Variants in CRB1 observed in about 807,000 individuals in gnomAD.
CRB1 encodes protein crumbs homolog 1.
Under a neutral mutation model 120.0 loss-of-function variants are expected in CRB1, and 83 were observed. The ratio of observed to expected loss-of-function variants is 0.69; its 90% CI spans 0.58 to 0.83. The LOEUF (loss-of-function observed/expected upper bound fraction) is 0.83. CRB1 is among the 40% of genes least tolerant of loss of function. The pLI is 0.00. For missense variants in CRB1, 1,699 were observed against 1,687.6 expected (o/e 1.01, Z -0.12); for synonymous variants, 625 against 612.5 (o/e 1.02, Z -0.30).
chr1:197,357,067 C>T (rs759432812), intron 5 of CRB1, 54 bp downstream of exon 5: 15 of 1,561,782 alleles, frequency 9.6e-6, no homozygotes, highest in Non-Finnish European at 1.3e-5. Context: ...TATGGCAGAC[C>T]ATGGCTTTAA....
chr1:197,252,091 A>T, the CRB1 span, among the ~76,000 whole-genome samples: 1 of 151,880 alleles, frequency 6.6e-6, no homozygotes, highest in African/African-American at 2.4e-5. Context: ...CTTTTTTGGT[A>T]AAGTTCTAGG....
chr1:197,234,133 T>A, the CRB1 span, among the ~76,000 whole-genome samples: 1 of 152,168 alleles, frequency 6.6e-6, no homozygotes, highest in Non-Finnish European at 1.5e-5. Context: ...TATGAAGATA[T>A]TTTTATTACT....
intron 5 of CRB1, among the ~76,000 whole-genome samples, chr1:197,374,060 T>C (rs1661514211): frequency 1.3e-5 from 2 of 152,102 alleles, no homozygotes; most frequent in Admixed American, 6.5e-5. Context: ...ATCAGGCCAA[T>C]TTTTGGCAGG....
At chr1:197,431,808 A>G (rs1664881276) in intron 8 of CRB1, among the ~76,000 whole-genome samples, 1 of 152,212 alleles carries the variant, frequency 6.6e-6, no homozygotes, top group Non-Finnish European at 1.5e-5. Flanking sequence ...TAGAGAGAAA[A>G]CGTAAATAAA....
rs1011980348 is a variant in CRB1 at position 197,268,255 on chromosome 1, C to G, written c.-158C>G. ...CACAAACTGCATTTTGAATCTAAGT[C>G]CCTGTATTTTCTGTGAAGGAGCTGT... On this transcript the variant is annotated 5_prime_UTR_variant, in exon 1 of 12. Coordinates refer to ENST00000367400, the MANE Select transcript of CRB1 (RefSeq NM_201253.3). 2.9e-6 allele frequency: 2 copies of G among 688,268 alleles called. No homozygotes were observed. The highest frequency in any genetic ancestry group is 4.2e-5 in the Admixed American group (2 of 47,242). The allele number at this position is 688,268 out of a possible 1,614,324, so 42.6% of individuals were successfully genotyped here.
chr1:197,252,616 T>C, the CRB1 span, among the ~76,000 whole-genome samples: 1 of 83,696 alleles, frequency 1.2e-5, no homozygotes, highest in East Asian at 4.0e-4. Context: ...GTGTGTGTGA[T>C]ATATATATGT....
chr1:197,453,855 A>T (rs1413807155), intron 11 of CRB1, among the ~76,000 whole-genome samples: 2 of 140,334 alleles, frequency 1.4e-5, no homozygotes, highest in South Asian at 2.1e-4. Context: ...ATTATTATTA[A>T]TATATATTAA....
intron 11 of CRB1, 150 bp downstream of exon 11, chr1:197,442,442 GA>G (rs753013922): frequency 4.6e-5 from 71 of 1,537,348 alleles, no homozygotes; most frequent in Admixed American, 1.9e-4. Context: ...ATTCCCAAAT[GA>G]AAAAAAAAGC....
intron 6 of CRB1, among the ~76,000 whole-genome samples, chr1:197,426,352 T>C (rs903814517): frequency 6.6e-6 from 1 of 152,080 alleles, no homozygotes; most frequent in African/African-American, 2.4e-5. Context: ...CTGATTGTTC[T>C]ATTTAAAATT....
the CRB1 span, among the ~76,000 whole-genome samples, chr1:197,249,471 G>A: frequency 6.6e-6 from 1 of 151,936 alleles, no homozygotes; most frequent in African/African-American, 2.4e-5. Context: ...GAGACTAGAA[G>A]TGTATAAACT....
At chr1:197,329,413 A>T (rs1474973676) in intron 2 of CRB1, among the ~76,000 whole-genome samples, 1 of 152,176 alleles carries the variant, frequency 6.6e-6, no homozygotes, top group Non-Finnish European at 1.5e-5. Flanking sequence ...TCTAGTGCTG[A>T]CTTGAGTATT....
intron 1 of CRB1, among the ~76,000 whole-genome samples, chr1:197,301,355 G>A (rs1656851613): frequency 6.6e-6 from 1 of 151,906 alleles, no homozygotes; most frequent in African/African-American, 2.4e-5. Flanking sequence ...TAGTAGAGAC[G>A]GGGTTTCACC....
At chr1:197,417,307 AAG>A (rs1394274762) in intron 5 of CRB1, among the ~76,000 whole-genome samples, 1 of 152,208 alleles carries the variant, frequency 6.6e-6, no homozygotes, top group Non-Finnish European at 1.5e-5. Context: ...GGTGTCAGGA[AAG>A]AGAGAGAAAG....
chr1:197,212,101 A>G, the CRB1 span, among the ~76,000 whole-genome samples: 1 of 152,306 alleles, frequency 6.6e-6, no homozygotes, highest in African/African-American at 2.4e-5. Flanking sequence ...CATTAGAATA[A>G]CCGAAAGTAT....
intron 1 of CRB1, among the ~76,000 whole-genome samples, chr1:197,270,737 A>G (rs1430473895): frequency 6.6e-6 from 1 of 152,164 alleles, no homozygotes; most frequent in Non-Finnish European, 1.5e-5. Flanking sequence ...CCAAGGCCAT[A>G]CTACTAGTGA....
intron 1 of CRB1, among the ~76,000 whole-genome samples, chr1:197,291,522 C>A (rs4915453): frequency 0.35 from 52,662 of 151,630 alleles, 11,542 homozygotes; most frequent in East Asian, 0.77. Context: ...ATTTGATTGA[C>A]TTTTATCTCA....
At chr1:197,451,454 C>T (rs967399304) in intron 11 of CRB1, among the ~76,000 whole-genome samples, 5 of 152,124 alleles carry the variant, frequency 3.3e-5, no homozygotes, top group African/African-American at 9.7e-5. Context: ...GTCATTAATA[C>T]GTTGGACCAT....
chr1:197,420,600 C>T (rs901883104), intron 5 of CRB1, among the ~76,000 whole-genome samples: 1 of 152,148 alleles, frequency 6.6e-6, no homozygotes, highest in Non-Finnish European at 1.5e-5. Flanking sequence ...AATCTGCAGC[C>T]AGGGACAGAA....
chr1:197,358,809 T>G (rs1255190840), intron 5 of CRB1, among the ~76,000 whole-genome samples: 1 of 144,878 alleles, frequency 6.9e-6, no homozygotes, highest in African/African-American at 2.4e-5. Flanking sequence ...TGGTCAAATG[T>G]AATCATGTAA....
Sources: gnomAD v4.1 joint callset for allele counts (sites outside exome capture counted in the v4.1 genomes callset) on GRCh38, gnomAD v4.1.1 for gene constraint, MANE v1.5 for transcripts, NCBI Gene and HGNC (gene_info 2026-07-23, HGNC 2026-07-21) for gene names.